DIP2A: variants seen among roughly 807,000 people sequenced by gnomAD.
The protein encoded by DIP2A is DIP2 acetate--CoA ligase A, also known as disco-interacting protein 2 homolog A.
Under a neutral mutation model 177.4 loss-of-function variants are expected in DIP2A, and 85 were observed. The ratio of observed to expected loss-of-function variants is 0.48; its 90% CI spans 0.40 to 0.57. The LOEUF (loss-of-function observed/expected upper bound fraction) is 0.57, where lower values mean the gene tolerates loss of function less well. Ranked by LOEUF, DIP2A falls within the 20% of genes least tolerant of loss-of-function variation. DIP2A has a pLI of 0.00. For missense variants in DIP2A, 1,791 were observed against 2,100.2 expected (o/e 0.85, Z 2.88); for synonymous variants, 886 against 881.8 (o/e 1.00, Z -0.08).
the DIP2A span, among the ~76,000 whole-genome samples, chr21:46,579,780 T>A: frequency 1.3e-5 from 2 of 152,208 alleles, no homozygotes; most frequent in Non-Finnish European, 2.9e-5. Context: ...AGCTTCTTAA[T>A]CTTGAGTTCC....
At chr21:46,561,547 G>A (rs1261061928) in intron 33 of DIP2A, 1 of 690,682 alleles carries the variant, frequency 1.4e-6, no homozygotes, top group Non-Finnish European at 2.6e-6. Flanking sequence ...GGTGGCGAGT[G>A]CATGCGGGTG....
intron 8 of DIP2A, among the ~76,000 whole-genome samples, chr21:46,519,744 A>G (rs1178672695): frequency 1.3e-5 from 2 of 151,854 alleles, no homozygotes; most frequent in Non-Finnish European, 2.9e-5. Flanking sequence ...AAGTAAAATT[A>G]TCCCAAGTAA....
chr21:46,550,753 A>T lies in DIP2A; in HGVS notation c.2839+9A>T. ...TCGTCAGAAACAACCAGGTTAGTTG[A>T]ACCTAACAACAGGATGCTCTCTAGT... On this transcript the variant is annotated intron_variant, in intron 23 of 37. Coordinates refer to ENST00000417564, the MANE Select transcript of DIP2A (RefSeq NM_015151.4). The T allele has an allele frequency of 6.2e-7, 1 of 1,613,620 alleles. No homozygotes were observed. Among genetic ancestry groups the T allele is most frequent in the Non-Finnish European group, 8.5e-7 (1 of 1,179,702 alleles).
At chr21:46,546,877 C>A in intron 20 of DIP2A, 38 bp from the exon 21 acceptor site, 1 of 1,608,626 alleles carries the variant, frequency 6.2e-7, no homozygotes, top group East Asian at 2.2e-5. Flanking sequence ...AGCTTCTGCC[C>A]GTGTGGGTGG....
At chr21:46,555,851 C>G in intron 28 of DIP2A, 131 bp from the exon 29 acceptor site, 1 of 746,402 alleles carries the variant, frequency 1.3e-6, no homozygotes. Context: ...GTCACGGCCC[C>G]ACTCCCGTCT....
At chr21:46,490,815 T>A (rs1456317889) in intron 3 of DIP2A, 96 bp downstream of exon 3, 2 of 1,391,168 alleles carry the variant, frequency 1.4e-6, no homozygotes. Context: ...TTTGCCACAA[T>A]ATCTGCCAAA....
chr21:46,491,434 G>A (rs761960144), intron 3 of DIP2A, among the ~76,000 whole-genome samples: 5 of 152,150 alleles, frequency 3.3e-5, no homozygotes, highest in African/African-American at 7.2e-5. Flanking sequence ...AACAGGGAGT[G>A]TAAAGAAATA....
intron 26 of DIP2A, 99 bp from the exon 27 acceptor site, chr21:46,554,476 C>G (rs1850341361): frequency 7.7e-6 from 12 of 1,549,458 alleles, no homozygotes; most frequent in Admixed American, 1.9e-5. Flanking sequence ...CCATGCCCCC[C>G]CAGCACCACC....
rs2060665118 is a variant in DIP2A at position 46,561,602 on chromosome 21, A to G, written c.4032-146A>G. 6.1e-5 allele frequency: 67 copies of G among 1,094,646 alleles called. No homozygotes were observed. In the South Asian group the frequency reaches 8.4e-4, roughly 14 times the overall value. The allele number at this position is 1,094,646 out of a possible 1,614,324, so 67.8% of individuals were successfully genotyped here. Reference sequence around the variant, plus strand: ...CGTGGTTGGGGTGTCCCTGCCATTCATGGCAGGTGTGCTGTGGAAAGGTTG... The same window carrying G: ...CGTGGTTGGGGTGTCCCTGCCATTCGTGGCAGGTGTGCTGTGGAAAGGTTG... On this transcript the variant is annotated intron_variant, in intron 33 of 37. Transcript: ENST00000417564.
intron 8 of DIP2A, among the ~76,000 whole-genome samples, chr21:46,519,298 C>T (rs2058717622): frequency 6.6e-6 from 1 of 152,144 alleles, no homozygotes; most frequent in Non-Finnish European, 1.5e-5. Flanking sequence ...TTGTGCCGAC[C>T]TCCTATCTCA....
intron 2 of DIP2A, among the ~76,000 whole-genome samples, chr21:46,486,273 T>C (rs753922197): frequency 1.3e-5 from 2 of 152,138 alleles, no homozygotes; most frequent in African/African-American, 2.4e-5. Flanking sequence ...GGTGTGATCA[T>C]AGCTCACTGC....
At chr21:46,482,511 T>C (rs2056416861) in intron 1 of DIP2A, among the ~76,000 whole-genome samples, 1 of 152,242 alleles carries the variant, frequency 6.6e-6, no homozygotes, top group African/African-American at 2.4e-5. Flanking sequence ...TACTGGTTTA[T>C]GTATTTACTG....
At chr21:46,477,417 C>G (rs770722445) in intron 1 of DIP2A, among the ~76,000 whole-genome samples, 6 of 151,008 alleles carry the variant, frequency 4.0e-5, no homozygotes, top group Non-Finnish European at 8.9e-5. Flanking sequence ...ATCCCAGCTA[C>G]TTGGGAGGCT....
chr21:46,525,123 GTGATCCACCTGCCTT>G (rs913065932), intron 8 of DIP2A, among the ~76,000 whole-genome samples: 11 of 151,920 alleles, frequency 7.2e-5, no homozygotes, highest in Non-Finnish European at 1.3e-4. Flanking sequence ...CTGACCTCAG[GTGATCCACCTGCCTT>G]GGCCTCCCAG....
chr21:46,503,611 C>CCTTCCTTCCTTT (rs2057790850), intron 5 of DIP2A, among the ~76,000 whole-genome samples: 2 of 128,554 alleles, frequency 1.6e-5, no homozygotes, highest in Non-Finnish European at 3.3e-5. Flanking sequence ...TTCCTTCCTT[C>CCTTCCTTCCTTT]CTTTCTTTCT....
intron 20 of DIP2A, among the ~76,000 whole-genome samples, 161 bp from the exon 21 acceptor site, chr21:46,546,754 A>C (rs1273315195): frequency 6.6e-6 from 1 of 152,148 alleles, no homozygotes; most frequent in Admixed American, 6.5e-5. Flanking sequence ...AGCTTGTCAC[A>C]GGGCCTGCGT....
At chr21:46,565,464 G>A (rs1275964266) in intron 35 of DIP2A, among the ~76,000 whole-genome samples, 1 of 152,220 alleles carries the variant, frequency 6.6e-6, no homozygotes, top group African/African-American at 2.4e-5. Flanking sequence ...TACCCACGTA[G>A]GATAGAGTCC....
intron 1 of DIP2A, among the ~76,000 whole-genome samples, chr21:46,475,585 G>A (rs1276225593): frequency 6.6e-6 from 1 of 152,212 alleles, no homozygotes; most frequent in East Asian, 1.9e-4. Context: ...TTCTGAATAT[G>A]GAAGACTGCT....
chr21:46,487,307 A>G (rs1334122999), intron 2 of DIP2A, among the ~76,000 whole-genome samples: 1 of 152,256 alleles, frequency 6.6e-6, no homozygotes, highest in Non-Finnish European at 1.5e-5. Flanking sequence ...CCCAAAATAA[A>G]AACAAACTCA....
Sources: gnomAD v4.1 joint callset for allele counts (sites outside exome capture counted in the v4.1 genomes callset) on GRCh38, gnomAD v4.1.1 for gene constraint, MANE v1.5 for transcripts, NCBI Gene and HGNC (gene_info 2026-07-23, HGNC 2026-07-21) for gene names.